ENTREP2: variants seen among roughly 807,000 people sequenced by gnomAD.
ENTREP2 encodes the protein protein ENTREP2.
At chr15:29,490,825 G>C in the ENTREP2 span, among the ~76,000 whole-genome samples, 1 of 152,222 alleles carries the variant, frequency 6.6e-6, no homozygotes, top group Admixed American at 6.5e-5. Flanking sequence ...TGGATCCCGT[G>C]CCAGGGCCGA....
chr15:29,269,236 G>A, the ENTREP2 span: 10 of 1,614,010 alleles, frequency 6.2e-6, no homozygotes, highest in East Asian at 6.7e-5. Flanking sequence ...AGGCTCCAGG[G>A]TGTTGATGAG....
chr15:29,252,626 T>G, the ENTREP2 span: 1 of 515,886 alleles, frequency 1.9e-6, no homozygotes, highest in Non-Finnish European at 3.5e-6. Flanking sequence ...AGGAAAGTGG[T>G]AGGTTATTTC....
the ENTREP2 span, chr15:29,269,432 G>A: frequency 6.2e-7 from 1 of 1,614,110 alleles, no homozygotes; most frequent in Non-Finnish European, 8.5e-7. Flanking sequence ...AACTGCACCA[G>A]CTCGGACACT....
the ENTREP2 span, among the ~76,000 whole-genome samples, chr15:29,171,789 A>T: frequency 6.6e-6 from 1 of 152,216 alleles, no homozygotes; most frequent in African/African-American, 2.4e-5. Context: ...GAAAAAAGAA[A>T]AAAGAAAAAG....
At chr15:29,368,935 A>T in the ENTREP2 span, among the ~76,000 whole-genome samples, 1 of 152,164 alleles carries the variant, frequency 6.6e-6, no homozygotes. Flanking sequence ...TAACTCAAAT[A>T]AAAAACTCTC....
chr15:29,439,863 C>T, the ENTREP2 span, among the ~76,000 whole-genome samples: 2 of 152,134 alleles, frequency 1.3e-5, no homozygotes, highest in Admixed American at 1.3e-4. Context: ...AGACATCTGG[C>T]AGACACCAGC....
the ENTREP2 span, among the ~76,000 whole-genome samples, chr15:29,260,471 G>A: frequency 6.6e-6 from 1 of 152,130 alleles, no homozygotes; most frequent in African/African-American, 2.4e-5. Context: ...TTTACTTCAG[G>A]AATGCAAGAA....
At chr15:29,327,610 A>G in the ENTREP2 span, among the ~76,000 whole-genome samples, 1 of 151,740 alleles carries the variant, frequency 6.6e-6, no homozygotes, top group East Asian at 1.9e-4. Flanking sequence ...AAAAAAAAAA[A>G]GAGGGTAAAG....
At chr15:29,306,414 A>C in the ENTREP2 span, among the ~76,000 whole-genome samples, 1 of 152,160 alleles carries the variant, frequency 6.6e-6, no homozygotes, top group South Asian at 2.1e-4. Flanking sequence ...AAGCTTGAAG[A>C]CACCAAGAGA....
the ENTREP2 span, among the ~76,000 whole-genome samples, chr15:29,412,747 A>T: frequency 2.0e-5 from 3 of 151,978 alleles, no homozygotes; most frequent in Non-Finnish European, 4.4e-5. Flanking sequence ...ATTTTGTTAG[A>T]ATTTTCAAGG....
chr15:29,442,342 G>C, the ENTREP2 span, among the ~76,000 whole-genome samples: 1 of 152,204 alleles, frequency 6.6e-6, no homozygotes, highest in Non-Finnish European at 1.5e-5. Context: ...TCTGACTTGG[G>C]AAGACCGTGT....
the ENTREP2 span, among the ~76,000 whole-genome samples, chr15:29,641,564 G>A: frequency 6.6e-6 from 1 of 152,048 alleles, no homozygotes; most frequent in Admixed American, 6.6e-5. Context: ...GGGCACGGTG[G>A]CTCACGCCTG....
chr15:29,393,167 G>A, the ENTREP2 span, among the ~76,000 whole-genome samples: 6 of 152,286 alleles, frequency 3.9e-5, no homozygotes, highest in South Asian at 1.2e-3. Flanking sequence ...TTGTCTCATT[G>A]TGATTTGCTT....
At chr15:29,607,304 C>CTTTTTTTTT in the ENTREP2 span, among the ~76,000 whole-genome samples, 4 of 131,792 alleles carry the variant, frequency 3.0e-5, no homozygotes, top group African/African-American at 2.9e-5. Context: ...CTCTTCATTT[C>CTTTTTTTTT]TTTTTTTTTT....
the ENTREP2 span, among the ~76,000 whole-genome samples, chr15:29,370,051 A>G: frequency 6.6e-6 from 1 of 152,216 alleles, no homozygotes; most frequent in African/African-American, 2.4e-5. Context: ...TTTTTAAATA[A>G]ATTACCCAAT....
chr15:29,331,460 G>A, the ENTREP2 span, among the ~76,000 whole-genome samples: 6 of 152,102 alleles, frequency 3.9e-5, no homozygotes, highest in African/African-American at 1.4e-4. Flanking sequence ...AATCTGAGAC[G>A]AGTCCTTGGC....
the ENTREP2 span, among the ~76,000 whole-genome samples, chr15:29,200,759 G>A: frequency 3.3e-5 from 5 of 151,834 alleles, no homozygotes; most frequent in East Asian, 1.9e-4. Flanking sequence ...ATGGGGTTTC[G>A]CCATATTGGC....
chr15:29,409,394 C>T, the ENTREP2 span, among the ~76,000 whole-genome samples: 44 of 151,736 alleles, frequency 2.9e-4, no homozygotes, highest in Middle Eastern at 3.4e-3. Flanking sequence ...CAGGCAATCT[C>T]GGCTCACTGC....
chr15:29,319,314 A>G, the ENTREP2 span, among the ~76,000 whole-genome samples: 3 of 152,218 alleles, frequency 2.0e-5, no homozygotes, highest in Non-Finnish European at 4.4e-5. Flanking sequence ...AGCACTGACC[A>G]TTCTTTTGGA....
Sources: gnomAD v4.1 joint callset for allele counts (sites outside exome capture counted in the v4.1 genomes callset) on GRCh38, gnomAD v4.1.1 for gene constraint, MANE v1.5 for transcripts, NCBI Gene and HGNC (gene_info 2026-07-23, HGNC 2026-07-21) for gene names.